Variants in IKZF2 observed in about 807,000 individuals in gnomAD.
IKZF2 encodes the protein zinc finger protein Helios.
In IKZF2, 15 loss-of-function variants were observed where a neutral mutation model predicts 49.2. That is an observed-to-expected ratio of 0.30 (90% CI 0.20 to 0.47). The LOEUF (loss-of-function observed/expected upper bound fraction) is 0.47. Ranked by LOEUF, IKZF2 falls within the 20% of genes least tolerant of loss-of-function variation. IKZF2 has a pLI of 1.00. For missense variants in IKZF2, 567 were observed against 664.6 expected, an observed-to-expected ratio of 0.85 and a Z score of 1.61; for synonymous variants, 227 against 221.4, an observed-to-expected ratio of 1.03 and a Z score of -0.23.
At chr2:213,115,313 G>A (rs2125797696) in intron 4 of IKZF2, among the ~76,000 whole-genome samples, 1 of 152,288 alleles carries the variant, frequency 6.6e-6, no homozygotes, top group East Asian at 1.9e-4. Flanking sequence ...AGTGACTAGA[G>A]AGTAAACAAC....
chr2:213,067,953 T>C (rs1294921510), intron 4 of IKZF2, among the ~76,000 whole-genome samples: 1 of 152,138 alleles, frequency 6.6e-6, no homozygotes, highest in African/African-American at 2.4e-5. Context: ...TAACTTCTCA[T>C]TGTAAGTAGT....
intron 4 of IKZF2, among the ~76,000 whole-genome samples, chr2:213,059,852 A>G (rs1701512900): frequency 6.6e-6 from 1 of 151,500 alleles, no homozygotes; most frequent in Admixed American, 6.6e-5. Flanking sequence ...AGAATATACT[A>G]CAAATAAATA....
At chr2:213,150,455 C>CCCCCCTCCT (rs139782680) in intron 1 of IKZF2, 5 of 186,220 alleles carry the variant, frequency 2.7e-5, no homozygotes, top group South Asian at 7.3e-5. Context: ...AAGAACACCC[C>CCCCCCTCCT]CCTCCTCCTC....
chr2:213,136,972 G>C (rs1049388991), intron 4 of IKZF2, among the ~76,000 whole-genome samples: 9 of 151,990 alleles, frequency 5.9e-5, no homozygotes, highest in Non-Finnish European at 1.2e-4. Flanking sequence ...CTTCAAATTT[G>C]TTACAGGTAT....
intron 6 of IKZF2, among the ~76,000 whole-genome samples, chr2:213,023,780 A>C (rs1252047811): frequency 6.6e-6 from 1 of 152,156 alleles, no homozygotes; most frequent in African/African-American, 2.4e-5. Context: ...CTTACATTGA[A>C]GCTAATAGCC....
At chr2:213,058,390 G>T (rs192139731) in intron 4 of IKZF2, among the ~76,000 whole-genome samples, 24 of 152,128 alleles carry the variant, frequency 1.6e-4, no homozygotes, top group African/African-American at 5.8e-4. Flanking sequence ...TTTATAAAAC[G>T]GGGATGATAA....
chr2:213,058,853 A>T (rs6705241), intron 4 of IKZF2, among the ~76,000 whole-genome samples: 36,614 of 151,706 alleles, frequency 0.24, 4,786 homozygotes, highest in Non-Finnish European at 0.27. Flanking sequence ...TAAAAATTAC[A>T]TATGAAGTTC....
chr2:213,071,443 T>G (rs1702692870), intron 4 of IKZF2, among the ~76,000 whole-genome samples: 1 of 151,978 alleles, frequency 6.6e-6, no homozygotes, highest in Admixed American at 6.6e-5. Context: ...TTACGCCCGG[T>G]TTCAAGGTGA....
upstream of IKZF2, among the ~76,000 whole-genome samples, chr2:213,151,952 G>A (rs1285872183): frequency 6.6e-6 from 1 of 151,526 alleles, no homozygotes; most frequent in African/African-American, 2.4e-5. Flanking sequence ...GTGCTGCCCC[G>A]GAGGCTCCGC....
At chr2:213,118,604 T>A (rs1449202472) in intron 4 of IKZF2, among the ~76,000 whole-genome samples, 1 of 152,180 alleles carries the variant, frequency 6.6e-6, no homozygotes, top group African/African-American at 2.4e-5. Flanking sequence ...ACCTAAAACT[T>A]TTTTTCCCAG....
chr2:213,011,757 T>C (rs1203586769), intron 8 of IKZF2, among the ~76,000 whole-genome samples: 1 of 150,578 alleles, frequency 6.6e-6, no homozygotes, highest in Non-Finnish European at 1.5e-5. Flanking sequence ...TATATATTGA[T>C]GCCAACTCAT....
At chr2:213,045,658 A>G (rs1700082519) in intron 6 of IKZF2, among the ~76,000 whole-genome samples, 1 of 152,218 alleles carries the variant, frequency 6.6e-6, no homozygotes, top group Admixed American at 6.5e-5. Context: ...AAACTCCAAG[A>G]AAGTTCAGGG....
At chr2:213,077,373 A>G (rs1379578466) in intron 4 of IKZF2, among the ~76,000 whole-genome samples, 1 of 152,114 alleles carries the variant, frequency 6.6e-6, no homozygotes, top group Non-Finnish European at 1.5e-5. Flanking sequence ...AACTTTCTGT[A>G]TTTAAATTTT....
chr2:213,001,243 C>T lies in IKZF2; in HGVS notation c.*6117G>A, dbSNP rs1235984630. ...AGCAAATATGGGGCCTGGAGACCCCCTCCAAACCTGGAATATTATTATAGT... is the reference window on the plus strand; with the variant it reads ...AGCAAATATGGGGCCTGGAGACCCCTTCCAAACCTGGAATATTATTATAGT... On this transcript the variant is annotated 3_prime_UTR_variant, in exon 9 of 9. Coordinates refer to ENST00000434687, the MANE Select transcript of IKZF2 (RefSeq NM_001387220.1). The T allele has an allele frequency of 6.6e-6, 1 of 151,898 alleles. No homozygotes were observed. Among genetic ancestry groups the T allele is most frequent in the East Asian group, 1.9e-4 (1 of 5,168 alleles). The allele number at this position is 151,898 out of a possible 1,614,324, so 9.4% of individuals were successfully genotyped here.
intron 4 of IKZF2, among the ~76,000 whole-genome samples, chr2:213,112,546 T>A (rs1325698905): frequency 6.8e-6 from 1 of 147,834 alleles, no homozygotes; most frequent in Non-Finnish European, 1.5e-5. Context: ...TCACTAGCCA[T>A]GAACTCCAGG....
At chr2:213,067,390 C>T (rs972279139) in intron 4 of IKZF2, among the ~76,000 whole-genome samples, 9 of 151,866 alleles carry the variant, frequency 5.9e-5, no homozygotes, top group Non-Finnish European at 1.2e-4. Flanking sequence ...AAAAGAAGAA[C>T]TAGATGGCAC....
At chr2:213,144,108 A>C (rs73079225) in intron 4 of IKZF2, among the ~76,000 whole-genome samples, 1,962 of 152,036 alleles carry the variant, frequency 0.013, 41 homozygotes, top group African/African-American at 0.045. Context: ...GCTAAGAAAA[A>C]AATTAATGTG....
Position 213,007,376 on chromosome 2 carries a change from T to G in IKZF2, c.1565A>C (p.Glu522Ala). The change falls in exon 9 of 9, where the codon GAG becomes GCG. Residue 522 changes from glutamate (E) to alanine (A), a missense_variant. Around this residue, in one of 5 missense-constraint regions of IKZF2, gnomAD observed 25 missense variants for 27.0 expected, o/e 0.93. Transcript: ENST00000434687. Reference sequence around the variant, plus strand: ...TGAAAAGGCCTAGTGGAATGTGTGCTCCCCTCGAACAATGTGTGATGAAAA... The same window carrying G: ...TGAAAAGGCCTAGTGGAATGTGTGCGCCCCTCGAACAATGTGTGATGAAAA... ...YEFSSHIVRG[E>A]HTFH 6.2e-7 allele frequency: 1 copy of G among 1,613,200 alleles called. No homozygotes were observed. Among genetic ancestry groups the G allele is most frequent in the Non-Finnish European group, 8.5e-7 (1 of 1,179,512 alleles).
intron 4 of IKZF2, among the ~76,000 whole-genome samples, chr2:213,087,906 T>C (rs1170066298): frequency 5.3e-5 from 8 of 152,238 alleles, no homozygotes; most frequent in Admixed American, 5.2e-4. Flanking sequence ...AGTCTATCAC[T>C]GATGGACATT....
Sources: allele counts gnomAD v4.1 joint callset (sites outside exome capture counted in the v4.1 genomes callset), GRCh38; gene constraint gnomAD v4.1.1; regional missense constraint gnomAD v4.1.1; transcripts MANE v1.5; gene names NCBI Gene and HGNC (gene_info 2026-07-23, HGNC 2026-07-21).